The following CLHC1 variants were observed in gnomAD, a reference collection of about 807,000 sequenced individuals.
CLHC1 encodes clathrin heavy chain linker domain-containing protein 1.
In CLHC1, 72 loss-of-function variants were observed where a neutral mutation model predicts 69.5. The ratio of observed to expected loss-of-function variants is 1.04; its 90% CI spans 0.86 to 1.26. The LOEUF (loss-of-function observed/expected upper bound fraction) is 1.26, where lower values mean the gene tolerates loss of function less well. CLHC1 is among the 50% of genes most tolerant of loss of function. CLHC1 has a pLI of 0.00. For missense variants in CLHC1, 790 were observed against 679.3 expected (o/e 1.16, Z -1.81); for synonymous variants, 223 against 224.3 (o/e 0.99, Z 0.05).
At chr2:55,224,362 G>T in intron 2 of CLHC1, 2 of 448,740 alleles carry the variant, frequency 4.5e-6, no homozygotes, top group Non-Finnish European at 4.5e-6. Context: ...CTGCTACTTG[G>T]GGCAGAAGCT....
intron 11 of CLHC1, among the ~76,000 whole-genome samples, chr2:55,177,982 AC>A (rs1215071384): frequency 1.3e-5 from 2 of 152,182 alleles, no homozygotes; most frequent in Non-Finnish European, 2.9e-5. Context: ...ATAGCAAAAA[AC>A]AAAGGAAAAC....
At chr2:55,180,070 T>G (rs1573587277) in intron 11 of CLHC1, among the ~76,000 whole-genome samples, 1 of 151,682 alleles carries the variant, frequency 6.6e-6, no homozygotes, top group East Asian at 1.9e-4. Flanking sequence ...AGGAGAATGG[T>G]GTGAACCCAG....
rs557927825 is a variant in CLHC1, at chr2:55,214,105, A to G, written c.366-1299T>C. On this transcript the variant is annotated intron_variant, in intron 4 of 12. Transcript: ENST00000401408. ...CTGAATGGTGCAGAGATGAATGTGGAAGTCCAAAAGTCAGGCCTAGTTGAA... is the reference window on the plus strand; with the variant it reads ...CTGAATGGTGCAGAGATGAATGTGGGAGTCCAAAAGTCAGGCCTAGTTGAA... Among the ~76,000 whole-genome samples, 10 of 152,342 alleles carry G rather than the reference A, an allele frequency of 6.6e-5. No homozygotes were observed. The South Asian group carries it at 2.1e-3, about 32-fold the overall frequency.
At chr2:55,214,562 G>A (rs1673318668) in intron 4 of CLHC1, 1 of 152,176 alleles carries the variant, frequency 6.6e-6, no homozygotes, top group Non-Finnish European at 1.5e-5. Flanking sequence ...GCTGGCTGCT[G>A]CTTCTGATTA....
intron 9 of CLHC1, among the ~76,000 whole-genome samples, chr2:55,185,519 C>T (rs1423587654): frequency 6.6e-6 from 1 of 152,184 alleles, no homozygotes; most frequent in East Asian, 1.9e-4. Context: ...CTTCATATCA[C>T]TAGAATCACT....
At chr2:55,215,186 G>A (rs1673378913) in intron 4 of CLHC1, 1 of 152,200 alleles carries the variant, frequency 6.6e-6, no homozygotes, top group Admixed American at 6.5e-5. Context: ...CAGATGTTGA[G>A]ATGGACCTTC....
At chr2:55,220,085 C>A (rs568390938) in intron 3 of CLHC1, among the ~76,000 whole-genome samples, 1 of 152,296 alleles carries the variant, frequency 6.6e-6, no homozygotes, top group South Asian at 2.1e-4. Flanking sequence ...CTTTGGTCTT[C>A]TCTGCTTACT....
At chr2:55,179,577 G>T (rs1286155763) in intron 11 of CLHC1, among the ~76,000 whole-genome samples, 2 of 152,066 alleles carry the variant, frequency 1.3e-5, no homozygotes, top group Non-Finnish European at 2.9e-5. Context: ...GGCCATGTTT[G>T]GTTCCATTTT....
In CLHC1 at chr2:55,217,832, CT is replaced by C; in HGVS notation, c.343del (p.Arg115GlufsTer9). ...TTACTTTGCTTCAAGTTGGATTGTT[CT>C]TTTCCTGTAATATACCAAAGCTGTA... ...EPTALVYYRKRTIQLEAKMRI... is the reference protein window; with the variant it reads ...EPTALVYYRKXTIQLEAKMRI... On this transcript the variant is annotated frameshift_variant, in exon 4 of 13. Coordinates refer to ENST00000401408, the MANE Select transcript of CLHC1 (RefSeq NM_152385.4). LOFTEE classifies it high-confidence loss of function. The C allele has an allele frequency of 6.4e-7, 1 of 1,560,694 alleles. No individual in the cohort carries two copies. The highest frequency in any genetic ancestry group is 1.2e-5 in the South Asian group (1 of 82,122).
chr2:55,208,442 T>C (rs1220492121), intron 8 of CLHC1, among the ~76,000 whole-genome samples, 184 bp downstream of exon 8: 1 of 152,230 alleles, frequency 6.6e-6, no homozygotes. Flanking sequence ...TTTCGGATTT[T>C]GGAGCATTTC....
intron 5 of CLHC1, among the ~76,000 whole-genome samples, chr2:55,211,416 G>T (rs968682112): frequency 1.3e-5 from 2 of 150,580 alleles, no homozygotes; most frequent in East Asian, 3.9e-4. Flanking sequence ...GCAAGAGAAT[G>T]GTGTGAACCC....
At chr2:55,221,280 A>G (rs369100004) in intron 3 of CLHC1, among the ~76,000 whole-genome samples, 5 of 151,764 alleles carry the variant, frequency 3.3e-5, no homozygotes, top group African/African-American at 7.2e-5. Flanking sequence ...GATGGGGTGG[A>G]AAAAAAAAGC....
At chr2:55,206,425 A>G in intron 8 of CLHC1, 49 bp from the exon 9 acceptor site, 4 of 1,040,336 alleles carry the variant, frequency 3.8e-6, no homozygotes, top group Non-Finnish European at 6.0e-6. Flanking sequence ...AAAGAAAAAG[A>G]GAAAAAACTG....
chr2:55,218,901 A>G (rs1339761387), intron 3 of CLHC1, among the ~76,000 whole-genome samples: 1 of 152,178 alleles, frequency 6.6e-6, no homozygotes, highest in Non-Finnish European at 1.5e-5. Context: ...TTCCTGCTAC[A>G]TCTCTAGCCT....
intron 8 of CLHC1, among the ~76,000 whole-genome samples, chr2:55,208,180 C>T (rs1161104114): frequency 1.3e-5 from 2 of 152,036 alleles, no homozygotes; most frequent in Admixed American, 1.3e-4. Flanking sequence ...ATCCTAAATG[C>T]GTGGGACCAG....
chr2:55,196,679 G>A (rs1671452235), intron 9 of CLHC1, among the ~76,000 whole-genome samples: 1 of 152,182 alleles, frequency 6.6e-6, no homozygotes, highest in Admixed American at 6.5e-5. Context: ...GGCCCTGAAT[G>A]ACCAGCAGCA....
intron 5 of CLHC1, among the ~76,000 whole-genome samples, chr2:55,211,090 T>A (rs1672952494): frequency 2.0e-5 from 3 of 152,298 alleles, no homozygotes; most frequent in Non-Finnish European, 4.4e-5. Context: ...TGATTCTACT[T>A]AATTTTAACC....
intron 2 of CLHC1, among the ~76,000 whole-genome samples, chr2:55,222,942 A>G (rs1014939710): frequency 6.8e-6 from 1 of 146,268 alleles, no homozygotes; most frequent in African/African-American, 2.6e-5. Flanking sequence ...AAAAAAAAAA[A>G]GTCTATGCTA....
At chr2:55,203,140 C>T (rs998762740) in intron 9 of CLHC1, among the ~76,000 whole-genome samples, 5 of 151,928 alleles carry the variant, frequency 3.3e-5, no homozygotes, top group African/African-American at 7.3e-5. Context: ...CTATAAAACA[C>T]GGATGAAAGA....
Sources: gnomAD v4.1 joint callset for allele counts (sites outside exome capture counted in the v4.1 genomes callset) on GRCh38, gnomAD v4.1.1 for gene constraint, MANE v1.5 for transcripts, NCBI Gene and HGNC (gene_info 2026-07-23, HGNC 2026-07-21) for gene names.